GLI2: variants seen among roughly 807,000 people sequenced by gnomAD.
The protein encoded by GLI2 is transcription activator GLI2.
A neutral mutation model predicts 78.9 loss-of-function variants in GLI2; 22 were observed. The ratio of observed to expected loss-of-function variants is 0.28; its 90% CI spans 0.20 to 0.40. The LOEUF is 0.40. Ranked by LOEUF, GLI2 falls within the 10% of genes least tolerant of loss-of-function variation. The pLI, the probability that GLI2 is intolerant of heterozygous loss-of-function variation, is 1.00. For missense variants in GLI2, 2,097 were observed against 2,213.2 expected (o/e 0.95, Z 1.05); for synonymous variants, 974 against 963.7 (o/e 1.01, Z -0.20).
chr2:120,862,306 A>T (rs557139719), intron 2 of GLI2, among the ~76,000 whole-genome samples: 44 of 152,286 alleles, frequency 2.9e-4, no homozygotes, highest in African/African-American at 9.9e-4. Flanking sequence ...TACACAGGAA[A>T]TGCCTCCTAA....
At position 120,988,631 on chromosome 2, in the gene GLI2, C is replaced by A. The variant is rs759061834; in HGVS notation, c.2666C>A (p.Pro889Gln). ...ATGGPPPTPL[P>Q]GLERMSLRTR... Reference sequence around the variant, plus strand: ...GGCGGCCCCCCGCCCACTCCGCTGCCGGGCCTGGAGCGCATGAGCCTGCGG... The same window carrying A: ...GGCGGCCCCCCGCCCACTCCGCTGCAGGGCCTGGAGCGCATGAGCCTGCGG... The change falls in exon 14 of 14, where the codon CCG (proline) becomes CAG (glutamine). Residue 889 changes from proline to glutamine, a missense_variant. Pro to Gln is a moderately conservative substitution (Grantham distance 76). Transcript: ENST00000361492. The A allele has an allele frequency of 5.5e-6, 8 of 1,451,238 alleles. No homozygotes were observed. Among genetic ancestry groups the A allele is most frequent in the Middle Eastern group, 2.1e-4 (1 of 4,854 alleles). The allele number at this position is 1,451,238 out of a possible 1,614,324, so 89.9% of individuals were successfully genotyped here. A position where few individuals can be genotyped will look rare whatever the true frequency, so the allele number is the denominator to read the frequency against.
chr2:120,825,876 G>A (rs149858862), intron 2 of GLI2, among the ~76,000 whole-genome samples: 23 of 152,254 alleles, frequency 1.5e-4, no homozygotes, highest in Non-Finnish European at 3.1e-4. Flanking sequence ...TCACAGGAGC[G>A]CTCCTTCCTG....
intron 2 of GLI2, among the ~76,000 whole-genome samples, chr2:120,803,936 T>TGACC (rs1182412452): frequency 1.3e-5 from 2 of 152,118 alleles, no homozygotes; most frequent in Non-Finnish European, 2.9e-5. Flanking sequence ...GGCGGGGCTG[T>TGACC]GACCAGGCTA....
In GLI2 at chr2:120,978,478, G is replaced by C; in HGVS notation, c.1362G>C (p.Val454=). The C allele has an allele frequency of 6.2e-7, 1 of 1,614,182 alleles. No individual in the cohort carries two copies. Among genetic ancestry groups the C allele is most frequent in the Non-Finnish European group, 8.5e-7 (1 of 1,180,018 alleles). The change falls in exon 10 of 14, where the codon GTG becomes GTC. Residue 454 remains valine, a synonymous_variant. Transcript: ENST00000361492. ...EHIHGEKKEF[V]CRWQACTREQ... ...TCCACGGGGAGAAGAAGGAGTTTGT[G>C]TGCCGCTGGCAGGCCTGCACGCGGG...
At chr2:120,897,962 G>GTCTTA in intron 2 of GLI2, among the ~76,000 whole-genome samples, 1 of 152,258 alleles carries the variant, frequency 6.6e-6, no homozygotes, top group Middle Eastern at 3.4e-3. Context: ...GGTTCAGCAA[G>GTCTTA]TCTTATCTTG....
chr2:120,921,121 A>G (rs965849866), intron 2 of GLI2, among the ~76,000 whole-genome samples: 7 of 152,110 alleles, frequency 4.6e-5, no homozygotes, highest in South Asian at 2.1e-4. Flanking sequence ...TCACCTCTGA[A>G]TGTTTCCATC....
intron 2 of GLI2, among the ~76,000 whole-genome samples, chr2:120,829,729 T>G (rs1164812171): frequency 1.3e-5 from 2 of 152,184 alleles, no homozygotes; most frequent in East Asian, 3.9e-4. Context: ...GGGGACTGTG[T>G]CCACCAGGGT....
At chr2:120,814,127 G>A (rs1685386569) in intron 2 of GLI2, among the ~76,000 whole-genome samples, 1 of 152,100 alleles carries the variant, frequency 6.6e-6, no homozygotes, top group Non-Finnish European at 1.5e-5. Context: ...CCCCACTGAG[G>A]GTTCCTTTTG....
chr2:120,837,191 G>A (rs770723351), intron 2 of GLI2, among the ~76,000 whole-genome samples: 6 of 151,994 alleles, frequency 3.9e-5, no homozygotes, highest in Non-Finnish European at 4.4e-5. Context: ...TCAGGAGATC[G>A]AGACCATCCT....
At position 120,990,486 on chromosome 2, in the gene GLI2, G is replaced by C; in HGVS notation, c.4521G>C (p.Leu1507Phe). The change falls in exon 14 of 14, where the codon TTG becomes TTC. Residue 1507 changes from leucine (L) to phenylalanine (F), a missense_variant. Coordinates refer to ENST00000361492, the MANE Select transcript of GLI2 (RefSeq NM_001374353.1). Reference sequence around the variant, plus strand: ...TGGATGATGGCGATCACTCGAGTTTGTTCTCGGGTGCTCTGAGCCCCAGCC... The same window carrying C: ...TGGATGATGGCGATCACTCGAGTTTCTTCTCGGGTGCTCTGAGCCCCAGCC... ...AIMDDGDHSS[L>F]FSGALSPSLL... 6.2e-7 allele frequency: 1 copy of C among 1,614,000 alleles called. No individual in the cohort carries two copies. The highest frequency in any genetic ancestry group is 8.5e-7 in the Non-Finnish European group (1 of 1,179,986).
At chr2:120,936,694 G>T (rs1680215546) in intron 3 of GLI2, among the ~76,000 whole-genome samples, 1 of 152,214 alleles carries the variant, frequency 6.6e-6, no homozygotes, top group Non-Finnish European at 1.5e-5. Context: ...TTCAGGCATT[G>T]GTGGGGTGGA....
At chr2:120,794,417 T>G (rs1684290137) in intron 1 of GLI2, among the ~76,000 whole-genome samples, 1 of 152,086 alleles carries the variant, frequency 6.6e-6, no homozygotes, top group Non-Finnish European at 1.5e-5. Flanking sequence ...GCCAAGGGGC[T>G]CAGCAGGGGA....
rs573675600 is a variant in GLI2 at position 120,938,457 on chromosome 2, T to C, written c.254+10991T>C. Among the ~76,000 whole-genome samples the C allele has an allele frequency of 3.5e-4, 53 of 152,386 alleles. No individual in the cohort carries two copies. In the South Asian group the frequency reaches 0.011, roughly 30 times the overall value. On this transcript the variant is annotated intron_variant, in intron 3 of 13. Transcript: ENST00000361492. The stretch of plus-strand genomic sequence containing the variant: ...AACTGTTGTGGACCACGTGGCTAGA[T>C]TGCAACCAAGTCCATCTGTATTGCC...
At chr2:120,759,782 T>G (rs1368368115) in intron 1 of GLI2, among the ~76,000 whole-genome samples, 1 of 152,054 alleles carries the variant, frequency 6.6e-6, no homozygotes, top group Non-Finnish European at 1.5e-5. Context: ...GTCCTAACCC[T>G]CTCTTCTGCC....
At position 120,988,468 on chromosome 2, in the gene GLI2, G is replaced by C. The variant is rs751028726; in HGVS notation, c.2503G>C (p.Ala835Pro). The C allele has an allele frequency of 2.6e-6, 4 of 1,563,790 alleles. No homozygotes were observed. Among genetic ancestry groups the C allele is most frequent in the Non-Finnish European group, 1.7e-6 (2 of 1,164,714 alleles). The change falls in exon 14 of 14, where the codon GCT becomes CCT. Residue 835 changes from alanine to proline, a missense_variant. Around this residue, in one of 5 missense-constraint regions of GLI2, gnomAD observed 1,290 missense variants for 1,261.7 expected, o/e 1.02. Transcript: ENST00000361492. ...CGGCCGCCCGCACAACGCGAGCTCC[G>C]CTGACTCCTACGACCCCATCTCCAC... ...GAGRPHNASS[A>P]DSYDPISTDA...
intron 2 of GLI2, among the ~76,000 whole-genome samples, chr2:120,858,512 G>T (rs1275253905): frequency 1.3e-5 from 2 of 152,176 alleles, no homozygotes; most frequent in African/African-American, 4.8e-5. Flanking sequence ...CTCCACCCTT[G>T]TCCTGTCTCA....
intron 1 of GLI2, among the ~76,000 whole-genome samples, chr2:120,775,855 G>A (rs1032690960): frequency 2.6e-5 from 4 of 152,198 alleles, no homozygotes; most frequent in Non-Finnish European, 5.9e-5. Flanking sequence ...TCGTACAGGG[G>A]CACAGGGGAT....
chr2:120,915,806 C>T (rs930298699), intron 2 of GLI2, among the ~76,000 whole-genome samples: 4 of 152,174 alleles, frequency 2.6e-5, no homozygotes, highest in African/African-American at 4.8e-5. Flanking sequence ...AAAGCACAGA[C>T]CCCTGGATGC....
In GLI2 at chr2:120,955,286, C is replaced by T. The variant is rs769784117; in HGVS notation, c.499C>T (p.Pro167Ser). The change falls in exon 5 of 14, where the codon CCT becomes TCT. Residue 167 changes from proline (P) to serine (S), a missense_variant. Pro to Ser is a moderately conservative substitution (Grantham distance 74). Transcript: ENST00000361492. ...HLKERGLFGL[P>S]APGTTPSDYY... is the part of the protein sequence containing the mutation. The stretch of plus-strand genomic sequence containing the variant: ...TAAGGAGAGGGGACTGTTTGGCCTT[C>T]CTGCTCCAGGCACCACCCCCTCAGA... The T allele has an allele frequency of 5.0e-6, 8 of 1,610,374 alleles. No individual in the cohort carries two copies. Among genetic ancestry groups the T allele is most frequent in the Admixed American group, 3.4e-5 (2 of 59,594 alleles).
Sources: gnomAD v4.1 joint callset for allele counts (sites outside exome capture counted in the v4.1 genomes callset) on GRCh38, gnomAD v4.1.1 for gene constraint, gnomAD v4.1.1 regional missense constraint, MANE v1.5 for transcripts, NCBI Gene and HGNC (gene_info 2026-07-23, HGNC 2026-07-21) for gene names.